The following TNS1 variants were observed in gnomAD, a reference collection of about 807,000 sequenced individuals.
The protein encoded by TNS1 is tensin-1.
In TNS1, 62 loss-of-function variants were observed where a neutral mutation model predicts 168.6. The ratio of observed to expected loss-of-function variants is 0.37; its 90% CI spans 0.30 to 0.45. TNS1 has a LOEUF of 0.45. Ranked by LOEUF, TNS1 falls within the 20% of genes least tolerant of loss-of-function variation. TNS1 has a pLI of 1.00. For missense variants in TNS1, 2,240 were observed against 2,339.4 expected, an observed-to-expected ratio of 0.96 and a Z score of 0.88; for synonymous variants, 934 against 933.2, an observed-to-expected ratio of 1.00 and a Z score of -0.02.
chr2:217,917,430 A>G (rs1390745585), intron 4 of TNS1, among the ~76,000 whole-genome samples: 1 of 152,198 alleles, frequency 6.6e-6, no homozygotes, highest in Non-Finnish European at 1.5e-5. Flanking sequence ...AACAAGATAA[A>G]TAAGTAAAAT....
At chr2:217,808,346 G>A (rs369311588) in intron 31 of TNS1, among the ~76,000 whole-genome samples, 109 of 152,250 alleles carry the variant, frequency 7.2e-4, no homozygotes, top group African/African-American at 2.5e-3. Context: ...TCATGGAGAG[G>A]AGAAGCAGAT....
chr2:217,930,139 G>T (rs2125899556), intron 3 of TNS1, among the ~76,000 whole-genome samples: 1 of 152,294 alleles, frequency 6.6e-6, no homozygotes, highest in South Asian at 2.1e-4. Flanking sequence ...ATTACGTTCA[G>T]GTCCGCTTTC....
intron 18 of TNS1, chr2:217,849,573 G>T: frequency 1.1e-6 from 1 of 881,462 alleles, no homozygotes; most frequent in Non-Finnish European, 1.4e-6. Flanking sequence ...GAGTTCAACA[G>T]CTGGGAGCCC....
intron 1 of TNS1, among the ~76,000 whole-genome samples, chr2:218,008,559 G>C (rs1958679823): frequency 6.6e-6 from 1 of 152,246 alleles, no homozygotes; most frequent in African/African-American, 2.4e-5. Flanking sequence ...GTGATCTGCA[G>C]CTGCAGGGCC....
At chr2:217,941,094 G>A (rs1956887119) in intron 3 of TNS1, among the ~76,000 whole-genome samples, 1 of 152,182 alleles carries the variant, frequency 6.6e-6, no homozygotes, top group Non-Finnish European at 1.5e-5. Flanking sequence ...TGTGGAAACT[G>A]AGGCTCATAT....
chr2:217,972,413 G>T (rs1307914703), intron 3 of TNS1, among the ~76,000 whole-genome samples: 2 of 152,238 alleles, frequency 1.3e-5, no homozygotes, highest in African/African-American at 4.8e-5. Flanking sequence ...GAAGGCTGCA[G>T]GTGTGTTTAC....
In TNS1 at chr2:218,025,006, G is replaced by T. The variant is rs1958839537; in HGVS notation, c.156+8814C>A. Among the ~76,000 whole-genome samples, 7 of 152,346 alleles carry T rather than the reference G, an allele frequency of 4.6e-5. No homozygotes were observed. In the South Asian group the frequency reaches 1.5e-3, roughly 32 times the overall value. Reference sequence around the variant, plus strand: ...GAGCCAGCCTAATGGCAGGAGGGCAGGCAGCCAGGCTGAGCAGGCCTAGGC... The same window carrying T: ...GAGCCAGCCTAATGGCAGGAGGGCATGCAGCCAGGCTGAGCAGGCCTAGGC... On this transcript the variant is annotated intron_variant, in intron 1 of 1. Coordinates refer to the TNS1 transcript ENST00000649572.
chr2:217,900,914 G>A (rs1952893588), intron 6 of TNS1, among the ~76,000 whole-genome samples: 2 of 152,216 alleles, frequency 1.3e-5, no homozygotes, highest in African/African-American at 4.8e-5. Context: ...AGCGATGAGA[G>A]TAATGGCGCC....
chr2:217,829,786 GC>G lies in TNS1; in HGVS notation c.3373+1668del, dbSNP rs971723600. The G allele has an allele frequency of 8.4e-5, 91 of 1,088,374 alleles. No individual in the cohort carries two copies. In the Middle Eastern group the frequency reaches 2.5e-3, roughly 30 times the overall value. 67.4% of individuals were successfully genotyped at this position (1,088,374 alleles called of 1,614,324 possible). A position where few individuals can be genotyped will look rare whatever the true frequency, so the allele number is the denominator to read the frequency against. On this transcript the variant is annotated intron_variant, in intron 22 of 32. Coordinates refer to ENST00000682258, the MANE Select transcript of TNS1 (RefSeq NM_001387777.1). ...CCTCCAGCCAGCCTCTTCAAGCCCT[GC>G]TTTGAAAAGCCATTTCCAGACCCAG... is the stretch of plus-strand genomic sequence containing the variant.
intron 3 of TNS1, among the ~76,000 whole-genome samples, chr2:217,977,978 T>C (rs1957936829): frequency 6.6e-6 from 1 of 152,160 alleles, no homozygotes. Flanking sequence ...CTGAGCCCAT[T>C]GGACAGAACC....
At chr2:217,875,225 T>G (rs1005633679) in intron 18 of TNS1, among the ~76,000 whole-genome samples, 3 of 152,212 alleles carry the variant, frequency 2.0e-5, no homozygotes, top group African/African-American at 4.8e-5. Context: ...ATATGTAGTA[T>G]GAGCAGAAAT....
chr2:217,915,537 C>G (rs1954912644), intron 4 of TNS1, among the ~76,000 whole-genome samples: 1 of 152,210 alleles, frequency 6.6e-6, no homozygotes. Context: ...GGGGTAGGTG[C>G]TCCAGAGATA....
intron 1 of TNS1, among the ~76,000 whole-genome samples, chr2:218,001,987 C>T (rs1407526496): frequency 1.3e-5 from 2 of 152,168 alleles, no homozygotes; most frequent in Non-Finnish European, 2.9e-5. Flanking sequence ...CCCATGCATG[C>T]CTTTGCCTGG....
At chr2:217,958,881 G>A (rs141284483) in intron 3 of TNS1, among the ~76,000 whole-genome samples, 33 of 152,346 alleles carry the variant, frequency 2.2e-4, no homozygotes, top group African/African-American at 7.7e-4. Context: ...AGGAAACTGA[G>A]GATGGGAGAA....
intron 22 of TNS1, among the ~76,000 whole-genome samples, chr2:217,830,630 C>G (rs569211713): frequency 1.3e-5 from 2 of 152,342 alleles, no homozygotes; most frequent in South Asian, 2.1e-4. Context: ...GGGCCCTGCC[C>G]TCTACCGTGC....
chr2:217,808,020 T>C (rs1289261859), intron 32 of TNS1, 55 bp downstream of exon 32: 2 of 1,603,008 alleles, frequency 1.2e-6, no homozygotes, highest in Non-Finnish European at 1.7e-6. Context: ...CGTGCTTCCC[T>C]CACTGTGAAG....
intron 18 of TNS1, among the ~76,000 whole-genome samples, chr2:217,857,223 G>C (rs1276036531): frequency 1.3e-5 from 2 of 152,194 alleles, no homozygotes; most frequent in African/African-American, 4.8e-5. Flanking sequence ...TCAGCCAAGA[G>C]AGCTTTTTAA....
At position 217,988,276 on chromosome 2, in the gene TNS1, C is replaced by G. The variant is rs147134013; in HGVS notation, c.148+2666G>C. Among the ~76,000 whole-genome samples the G allele has an allele frequency of 3.1e-3, 474 of 152,330 alleles. 3 individuals carry two copies. Among genetic ancestry groups the G allele is most frequent in the African/African-American group, 0.01 (430 of 41,576 alleles). On this transcript the variant is annotated intron_variant, in intron 2 of 32. Transcript: ENST00000682258. ...GGCTGAGATCTAGGTGAAACCAGGG[C>G]CATGTCTTGCTCACCCTGGGAGCCT...
At chr2:217,914,936 T>C (rs1261151373) in intron 4 of TNS1, among the ~76,000 whole-genome samples, 1 of 152,230 alleles carries the variant, frequency 6.6e-6, no homozygotes, top group African/African-American at 2.4e-5. Context: ...CTCACTCCCA[T>C]TCTGTGCCCG....
Sources: allele counts gnomAD v4.1 joint callset (sites outside exome capture counted in the v4.1 genomes callset), GRCh38; gene constraint gnomAD v4.1.1; transcripts MANE v1.5; gene names NCBI Gene and HGNC (gene_info 2026-07-23, HGNC 2026-07-21).